The following HEG1 variants were observed in gnomAD, a reference collection of about 807,000 sequenced individuals.
The protein encoded by HEG1 is heart development protein with EGF like domains 1.
HEG1 carries 56 observed loss-of-function variants against 125.6 expected under a neutral mutation model. The observed-to-expected ratio is 0.45, with a 90% CI of 0.36 to 0.56. The LOEUF (loss-of-function observed/expected upper bound fraction) is 0.56, where lower values mean the gene tolerates loss of function less well. Ranked by LOEUF, HEG1 falls within the 20% of genes least tolerant of loss-of-function variation. The probability of loss-of-function intolerance (pLI) is 0.00; values close to 1 mark genes in which losing one functional copy is unlikely to be tolerated. For missense variants in HEG1, 1,523 were observed against 1,670.0 expected (o/e 0.91, Z 1.53); for synonymous variants, 644 against 668.5 (o/e 0.96, Z 0.57).
At chr3:124,973,428 T>C (rs1390250970) in intron 16 of HEG1, among the ~76,000 whole-genome samples, 1 of 152,210 alleles carries the variant, frequency 6.6e-6, no homozygotes, top group African/African-American at 2.4e-5. Flanking sequence ...TATCACTAAA[T>C]TCTTGCTCTA....
rs1294106103 is a variant in HEG1 at position 124,966,183 on chromosome 3, T to G, written c.*4469A>C. 1 of 152,226 alleles carries G rather than the reference T, an allele frequency of 6.6e-6. No homozygotes were observed. The highest frequency in any genetic ancestry group is 1.5e-5 in the Non-Finnish European group (1 of 68,040). 9.4% of individuals were successfully genotyped at this position (152,226 alleles called of 1,614,324 possible). On this transcript the variant is annotated 3_prime_UTR_variant, in exon 17 of 17. Coordinates refer to ENST00000311127, the MANE Select transcript of HEG1 (RefSeq NM_020733.2). ...CCAAGAAATCTGTAATGAAGTATGT[T>G]AAGTGCATTTTAAAAATCTGAATAT...
intron 14 of HEG1, among the ~76,000 whole-genome samples, chr3:124,986,250 T>A (rs1936736833): frequency 1.3e-5 from 2 of 152,178 alleles, no homozygotes; most frequent in Non-Finnish European, 2.9e-5. Context: ...TGGGCTTGGG[T>A]AGAGCATGTG....
rs748878792 is a variant in HEG1, at chr3:125,029,190, C to T, written c.610+5G>A. The T allele has an allele frequency of 2.5e-6, 4 of 1,609,746 alleles. No individual in the cohort carries two copies. The highest frequency in any genetic ancestry group is 1.7e-6 in the Non-Finnish European group (2 of 1,178,070). ...GTGAAATGCGCATCATCAGCACAAGCTCACCTAAGTTGCCACTCTGGGAAG... is the reference window on the plus strand; with the variant it reads ...GTGAAATGCGCATCATCAGCACAAGTTCACCTAAGTTGCCACTCTGGGAAG... On this transcript the variant is annotated splice_donor_5th_base_variant and intron_variant, in intron 2 of 16. Transcript: ENST00000311127.
At chr3:125,045,392 T>C (rs1195839000) in intron 1 of HEG1, among the ~76,000 whole-genome samples, 2 of 152,232 alleles carry the variant, frequency 1.3e-5, no homozygotes, top group Non-Finnish European at 2.9e-5. Context: ...TATTTTATCT[T>C]GTTACACAAT....
At position 125,027,202 on chromosome 3, in the gene HEG1, C is replaced by CA; in HGVS notation, c.913+2dup. Reference sequence around the variant, plus strand: ...AGTGTTAAGCTGGGTATGTGGCACTCACATGAGGAAAGGTCTAAGAGAGGA... The same window carrying CA: ...AGTGTTAAGCTGGGTATGTGGCACTCAACATGAGGAAAGGTCTAAGAGAGGA... On this transcript the variant is annotated splice_region_variant and intron_variant, in intron 3 of 16. Coordinates refer to ENST00000311127, the MANE Select transcript of HEG1 (RefSeq NM_020733.2). The CA allele has an allele frequency of 6.3e-7, 1 of 1,584,726 alleles. No homozygotes were observed. Among genetic ancestry groups the CA allele is most frequent in the Admixed American group, 1.8e-5 (1 of 56,436 alleles).
At chr3:125,019,647 T>A (rs372629073) in intron 4 of HEG1, 50 bp from the exon 5 acceptor site, 3 of 1,415,070 alleles carry the variant, frequency 2.1e-6, no homozygotes, top group Non-Finnish European at 2.9e-6. Flanking sequence ...ATGAAAGAGA[T>A]CCCTTGGCAA....
intron 11 of HEG1, among the ~76,000 whole-genome samples, chr3:124,999,509 A>G (rs938666404): frequency 6.6e-6 from 1 of 152,164 alleles, no homozygotes; most frequent in African/African-American, 2.4e-5. Flanking sequence ...GCCTGATTAG[A>G]TATTTTCTGG....
intron 6 of HEG1, among the ~76,000 whole-genome samples, chr3:125,012,296 G>A (rs959681687): frequency 1.3e-5 from 2 of 152,150 alleles, no homozygotes; most frequent in Non-Finnish European, 2.9e-5. Context: ...TGACCTCTGA[G>A]GAGTTAACGG....
In HEG1 at chr3:125,046,398, TACACACACACACACAC is replaced by T. The variant is rs10522507; in HGVS notation, c.316+9161_316+9176del. Among the ~76,000 whole-genome samples, 1,092 of 141,628 alleles carry T rather than the reference TACACACACACACACAC, an allele frequency of 7.7e-3. 11 individuals carry two copies. The highest frequency in any genetic ancestry group is 0.018 in the African/African-American group (683 of 37,004). 92.9% of individuals were successfully genotyped at this position (141,628 alleles called of 152,430 possible). A position where few individuals can be genotyped will look rare whatever the true frequency, so the allele number is the denominator to read the frequency against. On this transcript the variant is annotated intron_variant, in intron 1 of 16. Coordinates refer to ENST00000311127, the MANE Select transcript of HEG1 (RefSeq NM_020733.2). ...GTATATGTATATATATATATACACA[TACACACACACACACAC>T]ACACACACACACACACACACATATA... is the stretch of plus-strand genomic sequence containing the variant.
rs369090748 is a variant in HEG1 at position 125,029,258 on chromosome 3, T to C, written c.547A>G (p.Ile183Val). Reference sequence around the variant, plus strand: ...TCCAGTGAGTACCCAACAGGCAAAATGGTGAAGTTTGTTCTACTTGAAGAG... The same window carrying C: ...TCCAGTGAGTACCCAACAGGCAAAACGGTGAAGTTTGTTCTACTTGAAGAG... ...SGSSSRTNFTILPVGYSLEIA... is the reference protein window; with the variant it reads ...SGSSSRTNFTVLPVGYSLEIA... Residue 183 changes from isoleucine to valine, a missense_variant, in exon 2 of 17, where the codon ATT (isoleucine) becomes GTT (valine). Transcript: ENST00000311127. The C allele has an allele frequency of 1.2e-5, 19 of 1,613,426 alleles. No homozygotes were observed. The highest frequency in any genetic ancestry group is 1.5e-5 in the Non-Finnish European group (18 of 1,179,744).
At chr3:125,024,369 C>T (rs1937384812) in intron 3 of HEG1, among the ~76,000 whole-genome samples, 1 of 152,212 alleles carries the variant, frequency 6.6e-6, no homozygotes, top group Admixed American at 6.5e-5. Context: ...CCAGGAAGCT[C>T]AGTACTAAAT....
At chr3:125,038,323 TG>T (rs1425454440) in intron 1 of HEG1, among the ~76,000 whole-genome samples, 1 of 152,234 alleles carries the variant, frequency 6.6e-6, no homozygotes. Flanking sequence ...GCGTGAGACC[TG>T]GGACCACCTC....
In HEG1 at chr3:125,020,970, G is replaced by C; in HGVS notation, c.1074C>G (p.Gly358=). The change falls in exon 4 of 17, where the codon GGC becomes GGG. Residue 358 remains glycine (G), a synonymous_variant. Transcript: ENST00000311127. ...TGGCAATTCTGGAGTCCTTGGGGAA[G>C]CCTTCTGTCTTGCTCACAGGTCCCA... is the stretch of plus-strand genomic sequence containing the variant. ...VSLGPVSKTE[G]FPKDSRIATT... is the part of the protein sequence containing the mutation. 1.2e-6 allele frequency: 2 copies of C among 1,613,972 alleles called. No homozygotes were observed. Among genetic ancestry groups the C allele is most frequent in the Non-Finnish European group, 1.7e-6 (2 of 1,179,884 alleles).
chr3:125,041,102 C>T (rs1269238356), intron 1 of HEG1, among the ~76,000 whole-genome samples: 1 of 152,216 alleles, frequency 6.6e-6, no homozygotes, highest in African/African-American at 2.4e-5. Context: ...TCTTTCCTAA[C>T]TGACCACTTT....
chr3:125,055,666 G>A lies in HEG1; in HGVS notation c.225C>T (p.Pro75=), dbSNP rs1937921362. The change falls in exon 1 of 17, where the codon CCC becomes CCT. Residue 75 remains proline, a synonymous_variant. Transcript: ENST00000311127. ...CCCTGTAGCTGGGGCCGGGGGTCGC[G>A]GGCCCGCGGCGCTCCCGGGGCGGCG... ...PPTPPRERRG[P]ATPGPSYRAP... is the part of the protein sequence containing the mutation. The A allele has an allele frequency of 1.7e-6, 2 of 1,166,052 alleles. No individual in the cohort carries two copies. The highest frequency in any genetic ancestry group is 9.4e-5 in the Admixed American group (2 of 21,366). 72.2% of individuals were successfully genotyped at this position (1,166,052 alleles called of 1,614,324 possible).
intron 1 of HEG1, among the ~76,000 whole-genome samples, chr3:125,040,281 G>A (rs759583093): frequency 2.6e-5 from 4 of 152,132 alleles, no homozygotes; most frequent in Admixed American, 6.5e-5. Flanking sequence ...ACTGATTCCC[G>A]GGAAAACTTG....
intron 1 of HEG1, among the ~76,000 whole-genome samples, chr3:125,030,665 G>A (rs907960615): frequency 4.6e-5 from 7 of 152,220 alleles, no homozygotes; most frequent in Non-Finnish European, 8.8e-5. Context: ...GGTAGCAGAC[G>A]TAGGTGCCTG....
rs199672915 is a variant in HEG1 at position 125,012,990 on chromosome 3, T to C, written c.2589A>G (p.Thr863=). 142 of 1,614,056 alleles carry C rather than the reference T, an allele frequency of 8.8e-5. No homozygotes were observed. Among genetic ancestry groups the C allele is most frequent in the Non-Finnish European group, 1.7e-5 (20 of 1,179,894 alleles). Residue 863 remains threonine, a synonymous_variant, in exon 6 of 17, where the codon ACA becomes ACG. Coordinates refer to ENST00000311127, the MANE Select transcript of HEG1 (RefSeq NM_020733.2). ...CTATAGGGCCAGTGACCAGAGATGCTGTGCTTGACAGGGTGCCAGGAGTGG... is the reference window on the plus strand; with the variant it reads ...CTATAGGGCCAGTGACCAGAGATGCCGTGCTTGACAGGGTGCCAGGAGTGG... ...LMTTPGTLSS[T]ASLVTGPIAV... is the part of the protein sequence containing the mutation.
chr3:125,019,175 G>T, intron 5 of HEG1, 87 bp downstream of exon 5: 1 of 1,151,376 alleles, frequency 8.7e-7, no homozygotes, highest in Non-Finnish European at 1.3e-6. Context: ...GCCCTCATGC[G>T]TGGTTTTAAT....
Sources: gnomAD v4.1 joint callset for allele counts (sites outside exome capture counted in the v4.1 genomes callset) on GRCh38, gnomAD v4.1.1 for gene constraint, MANE v1.5 for transcripts, NCBI Gene and HGNC (gene_info 2026-07-23, HGNC 2026-07-21) for gene names.